The following DST variants were observed in gnomAD, a reference collection of about 807,000 sequenced individuals.
The protein encoded by DST is dystonin.
Under a neutral mutation model 875.2 loss-of-function variants are expected in DST, and 253 were observed. The observed-to-expected ratio is 0.29, with a 90% confidence interval of 0.26 to 0.32. DST has a LOEUF of 0.32. DST is among the 10% of genes least tolerant of loss of function. The pLI is 1.00. For synonymous variants in DST, 3,124 were observed against 3,197.1 expected (o/e 0.98, Z 0.77); for missense variants, 8,287 against 9,111.6 (o/e 0.91, Z 3.68).
chr6:56,916,778 T>TCTCTCTCACACA (rs1470233953), intron 2 of DST, among the ~76,000 whole-genome samples: 20 of 91,338 alleles, frequency 2.2e-4, no homozygotes, highest in East Asian at 2.1e-3. Flanking sequence ...TCTCTCTCTC[T>TCTCTCTCACACA]CACACACACA....
chr6:56,749,926 T>C (rs2099582513), intron 4 of DST, among the ~76,000 whole-genome samples: 1 of 152,156 alleles, frequency 6.6e-6, no homozygotes, highest in Non-Finnish European at 1.5e-5. Flanking sequence ...AGGATCACCA[T>C]GCATGCCCCA....
intron 3 of DST, among the ~76,000 whole-genome samples, chr6:56,852,552 G>A (rs938240283): frequency 1.3e-5 from 2 of 152,176 alleles, no homozygotes; most frequent in Non-Finnish European, 2.9e-5. Context: ...TCCATAGAGG[G>A]AAAAGGCACA....
chr6:56,494,170 G>T lies in DST; in HGVS notation c.20234C>A (p.Ala6745Asp), dbSNP rs565745746. The T allele has an allele frequency of 1.4e-5, 22 of 1,597,136 alleles. No homozygotes were observed. In the South Asian group the frequency reaches 2.4e-4, roughly 17 times the overall value. Residue 6745 changes from alanine to aspartate, a missense_variant, in exon 83 of 104, where the codon GCT becomes GAT. This residue lies in a region of DST where 1,292 missense variants were observed against 1,552.7 expected (regional missense o/e 0.83). Transcript: ENST00000680361. ...EQLNVHMEVCAAFEAKEETYK... is the reference protein window; with the variant it reads ...EQLNVHMEVCDAFEAKEETYK... ...TGTTTCTTCTTTAGCTTCAAAGGCA[G>T]CACAGACTTCCTAAATTGAGATACC... is the stretch of plus-strand genomic sequence containing the variant.
At chr6:56,592,141 G>A in intron 49 of DST, 41 bp downstream of exon 49, 1 of 1,577,056 alleles carries the variant, frequency 6.3e-7, no homozygotes, top group Non-Finnish European at 8.7e-7. Context: ...AAGCCTTTCA[G>A]TAAGACTACT....
chr6:56,540,476 G>A (rs1461576398), intron 61 of DST: 1 of 152,532 alleles, frequency 6.6e-6, no homozygotes, highest in Non-Finnish European at 1.5e-5. Flanking sequence ...ATCATATTGT[G>A]TCAAAAGTGT....
chr6:56,572,374 AT>A (rs2097791804), intron 52 of DST, 108 bp from the exon 53 acceptor site: 3 of 667,080 alleles, frequency 4.5e-6, no homozygotes, highest in Non-Finnish European at 6.8e-6. Context: ...ATAATTTCAC[AT>A]AAGAATGAGT....
intron 32 of DST, among the ~76,000 whole-genome samples, 196 bp downstream of exon 32, chr6:56,629,054 T>C (rs1424030314): frequency 1.3e-5 from 2 of 152,084 alleles, no homozygotes; most frequent in Admixed American, 1.3e-4. Flanking sequence ...AGTAACAGAG[T>C]TGAAAAAATG....
chr6:56,610,525 C>T lies in DST; in HGVS notation c.5185G>A (p.Val1729Met), dbSNP rs1236005807. 2.6e-6 allele frequency: 4 copies of T among 1,565,204 alleles called. No individual in the cohort carries two copies. In the African/African-American group the frequency reaches 4.1e-5, roughly 16 times the overall value. The part of the protein sequence containing the change: ...DEERNELEKQ[V>M]KTLQESYNLL... ...TTATAACTTTCCTGAAGAGTTTTCA[C>T]TTGTTTTTCCAATTCATTTCTTTCT... is the stretch of plus-strand genomic sequence containing the variant. Residue 1729 changes from valine (V) to methionine (M), a missense_variant, in exon 39 of 104, where the codon GTG (valine) becomes ATG (methionine). By Grantham distance (21) the Val-to-Met change is conservative. Coordinates refer to ENST00000680361, the MANE Select transcript of DST (RefSeq NM_001374736.1).
At chr6:56,752,506 G>C (rs2099590364) in intron 4 of DST, among the ~76,000 whole-genome samples, 1 of 151,958 alleles carries the variant, frequency 6.6e-6, no homozygotes, top group Non-Finnish European at 1.5e-5. Flanking sequence ...CACTCCCACA[G>C]GCAACCTGAT....
chr6:56,796,106 A>T (rs2153013009), intron 4 of DST, among the ~76,000 whole-genome samples: 1 of 152,304 alleles, frequency 6.6e-6, no homozygotes, highest in East Asian at 1.9e-4. Flanking sequence ...ACAGAACGAA[A>T]CAGAACAGCT....
At chr6:56,474,096 T>A (rs961328214) in intron 92 of DST, 94 bp from the exon 93 acceptor site, 1 of 1,086,280 alleles carries the variant, frequency 9.2e-7, no homozygotes, top group East Asian at 2.6e-5. Context: ...AAGAACCATG[T>A]TATTATTTCT....
intron 3 of DST, among the ~76,000 whole-genome samples, chr6:56,868,428 A>G (rs941473405): frequency 2.6e-5 from 4 of 152,174 alleles, no homozygotes; most frequent in Non-Finnish European, 5.9e-5. Context: ...TCATTTTCAA[A>G]CTTCTAAAGA....
In DST at chr6:56,496,965, G is replaced by C. The variant is rs528208336; in HGVS notation, c.20223+414C>G. Reference sequence around the variant, plus strand: ...CACTCATAGGTGGGAACTGAACAATGAGAACACATGGACACAGGAAGGGGA... The same window carrying C: ...CACTCATAGGTGGGAACTGAACAATCAGAACACATGGACACAGGAAGGGGA... On this transcript the variant is annotated intron_variant, in intron 82 of 103. Transcript: ENST00000680361. Among the ~76,000 whole-genome samples the C allele has an allele frequency of 5.3e-5, 8 of 151,946 alleles. No homozygotes were observed. The South Asian group carries it at 1.7e-3, about 32-fold the overall frequency.
rs1451027180 is a variant in DST, at chr6:56,735,296, G to C, written c.626-7C>G. 1 of 1,501,796 alleles carries C rather than the reference G, an allele frequency of 6.7e-7. No homozygotes were observed. Among genetic ancestry groups the C allele is most frequent in the South Asian group, 1.2e-5 (1 of 82,068 alleles). The allele number at this position is 1,501,796 out of a possible 1,614,324, so 93.0% of individuals were successfully genotyped here. On this transcript the variant is annotated splice_polypyrimidine_tract_variant and splice_region_variant and intron_variant, in intron 4 of 103. Coordinates refer to ENST00000680361, the MANE Select transcript of DST (RefSeq NM_001374736.1). The stretch of plus-strand genomic sequence containing the variant: ...TGAACTTTGTCCCGTTCATCTGGAA[G>C]GAAAAAATATATATAAAGATAAGGT...
intron 4 of DST, among the ~76,000 whole-genome samples, chr6:56,833,251 T>C (rs2099789541): frequency 6.6e-6 from 1 of 152,240 alleles, no homozygotes; most frequent in Non-Finnish European, 1.5e-5. Flanking sequence ...CTCATGTTTT[T>C]AAAATCACAT....
intron 3 of DST, 87 bp from the exon 4 acceptor site, chr6:56,851,691 C>T: frequency 1.3e-6 from 2 of 1,552,958 alleles, no homozygotes; most frequent in South Asian, 2.4e-5. Flanking sequence ...CAACCACCGC[C>T]GCCCTCCCTG....
At chr6:56,838,231 T>G (rs1374136195) in intron 4 of DST, among the ~76,000 whole-genome samples, 1 of 152,228 alleles carries the variant, frequency 6.6e-6, no homozygotes, top group Non-Finnish European at 1.5e-5. Flanking sequence ...CTTGTGCACT[T>G]TTATACTCAG....
At chr6:56,642,833 A>C (rs1444062196) in intron 15 of DST, 2 of 1,611,798 alleles carry the variant, frequency 1.2e-6, no homozygotes, top group Admixed American at 3.3e-5. Flanking sequence ...TTCAAAGTAG[A>C]CTAAAAGGTA....
Position 56,606,425 on chromosome 6 carries a change from CT to C in DST, c.8202del (p.Gly2735ValfsTer7). ...TCAGTCAATGAGTCAGATTCATCAC[CT>C]TCAAGGATATTTGTGCATTCCCTTT... is the stretch of plus-strand genomic sequence containing the variant. The part of the protein sequence containing the change: ...GSERECTNIL[E>X]GDESDSLTDY... On this transcript the variant is annotated frameshift_variant, in exon 40 of 104. Coordinates refer to ENST00000680361, the MANE Select transcript of DST (RefSeq NM_001374736.1). LOFTEE classifies it high-confidence loss of function. 6.2e-7 allele frequency: 1 copy of C among 1,613,382 alleles called. No homozygotes were observed. The highest frequency in any genetic ancestry group is 8.5e-7 in the Non-Finnish European group (1 of 1,179,552).
Sources: allele counts gnomAD v4.1 joint callset (sites outside exome capture counted in the v4.1 genomes callset), GRCh38; gene constraint gnomAD v4.1.1; regional missense constraint gnomAD v4.1.1; transcripts MANE v1.5; gene names NCBI Gene and HGNC (gene_info 2026-07-23, HGNC 2026-07-21).